The following NDUFAF6 variants were observed in gnomAD, a reference collection of about 807,000 sequenced individuals.
The protein encoded by NDUFAF6 is NADH:ubiquinone oxidoreductase complex assembly factor 6.
Under a neutral mutation model 40.8 loss-of-function variants are expected in NDUFAF6, and 45 were observed. That is an observed-to-expected ratio of 1.10 (90% CI 0.87 to 1.42). The LOEUF (loss-of-function observed/expected upper bound fraction) is 1.42. NDUFAF6 is among the 40% of genes most tolerant of loss of function. The pLI is 0.00. For missense variants in NDUFAF6, 435 were observed against 418.5 expected (o/e 1.04, Z -0.34); for synonymous variants, 185 against 155.9 (o/e 1.19, Z -1.39).
chr8:95,026,518 A>G (rs1454111318), intron 1 of NDUFAF6, among the ~76,000 whole-genome samples: 1 of 152,228 alleles, frequency 6.6e-6, no homozygotes, highest in Non-Finnish European at 1.5e-5. Context: ...TGTAAGAGAA[A>G]CAAGATAGCA....
At chr8:94,970,206 G>T (rs1165056662) in intron 1 of NDUFAF6, among the ~76,000 whole-genome samples, 1 of 122,138 alleles carries the variant, frequency 8.2e-6, no homozygotes, top group East Asian at 2.4e-4. Flanking sequence ...AGTGAGCCGA[G>T]ATCACACCAC....
At chr8:94,925,190 G>C (rs894380959) in intron 1 of NDUFAF6, among the ~76,000 whole-genome samples, 4 of 152,170 alleles carry the variant, frequency 2.6e-5, no homozygotes, top group Non-Finnish European at 5.9e-5. Context: ...CTTTAAATAA[G>C]CTACAGTTGT....
rs139219872 is a variant in NDUFAF6, at chr8:95,004,029, C to T, written c.-84+23056C>T. Among the ~76,000 whole-genome samples, 1,372 of 152,230 alleles carry T rather than the reference C, an allele frequency of 9.0e-3. 20 individuals are homozygous for T. The highest frequency in any genetic ancestry group is 0.019 in the South Asian group (91 of 4,816). On this transcript the variant is annotated intron_variant, in intron 2 of 9. Coordinates refer to the NDUFAF6 transcript ENST00000396111. Reference sequence around the variant, plus strand: ...CGTTCAGTGTGTATTTGTTGAGGAACGAGTAGAGAGAGTGCTGGTTATTTT... The same window carrying T: ...CGTTCAGTGTGTATTTGTTGAGGAATGAGTAGAGAGAGTGCTGGTTATTTT...
At chr8:95,073,503 G>A (rs1162576362) in intron 9 of NDUFAF6, among the ~76,000 whole-genome samples, 1 of 151,886 alleles carries the variant, frequency 6.6e-6, no homozygotes, top group African/African-American at 2.4e-5. Context: ...ACGCGGCACC[G>A]CCCCCGCCTC....
intron 8 of NDUFAF6, among the ~76,000 whole-genome samples, chr8:95,055,897 C>T (rs370601940): frequency 3.3e-5 from 5 of 152,158 alleles, no homozygotes; most frequent in African/African-American, 1.2e-4. Flanking sequence ...TTAAATTGGA[C>T]TCAAGTTTTT....
intron 7 of NDUFAF6, among the ~76,000 whole-genome samples, chr8:95,049,308 T>A (rs1831171053): frequency 6.6e-6 from 1 of 152,222 alleles, no homozygotes; most frequent in Non-Finnish European, 1.5e-5. Context: ...TGGTTCCTGA[T>A]TTCTCCTGCC....
At chr8:94,979,858 G>T (rs1400348849) in intron 1 of NDUFAF6, among the ~76,000 whole-genome samples, 1 of 152,212 alleles carries the variant, frequency 6.6e-6, no homozygotes, top group Non-Finnish European at 1.5e-5. Context: ...ACTTTGGGAG[G>T]CCGAGGCAGG....
At chr8:94,940,824 C>A in intron 1 of NDUFAF6, 1 of 1,604,352 alleles carries the variant, frequency 6.2e-7, no homozygotes, top group South Asian at 1.1e-5. Context: ...ACCAAGTGTA[C>A]CTTACCTATG....
At chr8:95,092,786 G>C (rs1416653275) in intron 2 of NDUFAF6, among the ~76,000 whole-genome samples, 1 of 151,986 alleles carries the variant, frequency 6.6e-6, no homozygotes, top group Non-Finnish European at 1.5e-5. Context: ...AGGTTTCACT[G>C]TGTTAGCCAG....
chr8:95,046,768 T>C (rs1830814008), intron 5 of NDUFAF6, among the ~76,000 whole-genome samples: 1 of 152,252 alleles, frequency 6.6e-6, no homozygotes, highest in Non-Finnish European at 1.5e-5. Flanking sequence ...TGCTGTAGTC[T>C]GAGGAAAACT....
intron 1 of NDUFAF6, among the ~76,000 whole-genome samples, chr8:94,942,124 C>T (rs953712670): frequency 6.6e-6 from 1 of 151,904 alleles, no homozygotes; most frequent in African/African-American, 2.4e-5. Flanking sequence ...CCAAGCTCTG[C>T]CTCCCGGGTT....
intron 7 of NDUFAF6, among the ~76,000 whole-genome samples, chr8:95,050,704 A>T (rs2131936381): frequency 6.6e-6 from 1 of 152,292 alleles, no homozygotes; most frequent in South Asian, 2.1e-4. Context: ...GTGTTTGATG[A>T]GAGTTTAGAG....
At chr8:94,917,110 CAAAAAAAA>C (rs35834003) in intron 1 of NDUFAF6, among the ~76,000 whole-genome samples, 1 of 89,578 alleles carries the variant, frequency 1.1e-5, no homozygotes, top group African/African-American at 4.3e-5. Flanking sequence ...GACTCCATCT[CAAAAAAAA>C]AAAAAAAAAA....
downstream of NDUFAF6, among the ~76,000 whole-genome samples, chr8:95,105,100 GAGAGAGAGAGAGAGAGAT>G (rs1809793170): frequency 7.0e-6 from 1 of 143,840 alleles, no homozygotes; most frequent in African/African-American, 2.5e-5. Flanking sequence ...GAGAGAGAGA[GAGAGAGAGAGAGAGAGAT>G]CACGTAGCCC....
chr8:94,979,433 C>T (rs927191814), intron 1 of NDUFAF6, among the ~76,000 whole-genome samples: 2 of 152,154 alleles, frequency 1.3e-5, no homozygotes, highest in Non-Finnish European at 2.9e-5. Flanking sequence ...GCTATATTGT[C>T]TTTCACACCC....
chr8:95,113,147 A>G (rs1441903951), intron 4 of NDUFAF6, among the ~76,000 whole-genome samples: 2 of 152,224 alleles, frequency 1.3e-5, no homozygotes, highest in Non-Finnish European at 2.9e-5. Flanking sequence ...CAAGTGGCAG[A>G]GGAAGGGCTG....
chr8:95,045,460 C>G, intron 4 of NDUFAF6, 85 bp from the exon 5 acceptor site: 1 of 865,998 alleles, frequency 1.2e-6, no homozygotes, highest in South Asian at 1.4e-5. Flanking sequence ...ATTCGTTATT[C>G]AGTTCTTTGG....
intron 1 of NDUFAF6, among the ~76,000 whole-genome samples, chr8:94,958,419 A>T (rs1021732582): frequency 2.7e-5 from 4 of 149,826 alleles, no homozygotes; most frequent in African/African-American, 9.9e-5. Context: ...CTGCATCCTA[A>T]TCTCCTCTTC....
intron 1 of NDUFAF6, chr8:94,926,309 A>G (rs2131290551): frequency 6.5e-6 from 1 of 152,736 alleles, no homozygotes; most frequent in East Asian, 1.9e-4. Flanking sequence ...AAACACATTA[A>G]GAAGGCACAT....
Sources: allele counts gnomAD v4.1 joint callset (sites outside exome capture counted in the v4.1 genomes callset), GRCh38; gene constraint gnomAD v4.1.1; transcripts MANE v1.5; gene names NCBI Gene and HGNC (gene_info 2026-07-23, HGNC 2026-07-21).